NELL1: variants seen among roughly 807,000 people sequenced by gnomAD.
NELL1 encodes the protein protein kinase C-binding protein NELL1.
NELL1 carries 76 observed loss-of-function variants against 107.4 expected under a neutral mutation model. That is an observed-to-expected ratio of 0.71 (90% CI 0.59 to 0.86). NELL1 has a LOEUF of 0.86. NELL1 is among the 40% of genes least tolerant of loss of function. The probability of loss-of-function intolerance (pLI) is 0.00; values close to 1 mark genes in which losing one functional copy is unlikely to be tolerated. For synonymous variants in NELL1, 353 were observed against 341.2 expected, an observed-to-expected ratio of 1.03 and a Z score of -0.38; for missense variants, 1,024 against 1,005.5, an observed-to-expected ratio of 1.02 and a Z score of -0.25.
intron 14 of NELL1, among the ~76,000 whole-genome samples, chr11:21,278,141 C>G (rs553332933): frequency 6.6e-6 from 1 of 152,220 alleles, no homozygotes; most frequent in South Asian, 2.1e-4. Context: ...AGCGAACTTC[C>G]TCAACTTGAT....
intron 2 of NELL1, among the ~76,000 whole-genome samples, chr11:20,745,133 A>G (rs894454640): frequency 6.6e-6 from 1 of 152,172 alleles, no homozygotes; most frequent in African/African-American, 2.4e-5. Flanking sequence ...GCTAGAATGT[A>G]CAATTTTGAA....
At chr11:21,247,091 G>A (rs1196248757) in intron 14 of NELL1, among the ~76,000 whole-genome samples, 1 of 152,118 alleles carries the variant, frequency 6.6e-6, no homozygotes, top group Non-Finnish European at 1.5e-5. Flanking sequence ...CACCTATATA[G>A]GGCACTTACC....
intron 12 of NELL1, among the ~76,000 whole-genome samples, chr11:21,047,208 T>C (rs1336851820): frequency 1.3e-5 from 2 of 152,132 alleles, no homozygotes; most frequent in African/African-American, 4.8e-5. Flanking sequence ...ACAAAACACC[T>C]ACTTTCTGCA....
chr11:21,300,058 A>AAATTCT (rs1849461302), intron 14 of NELL1, among the ~76,000 whole-genome samples: 1 of 151,994 alleles, frequency 6.6e-6, no homozygotes, highest in Admixed American at 6.6e-5. Context: ...ATATTATTTC[A>AAATTCT]AATTCTAAGT....
At chr11:21,444,435 T>C (rs1853367137) in intron 15 of NELL1, among the ~76,000 whole-genome samples, 1 of 152,186 alleles carries the variant, frequency 6.6e-6, no homozygotes, top group African/African-American at 2.4e-5. Flanking sequence ...TCAGGATTTA[T>C]ACTTACTGAT....
At chr11:21,220,380 T>C (rs939494110) in intron 13 of NELL1, among the ~76,000 whole-genome samples, 2 of 152,210 alleles carry the variant, frequency 1.3e-5, no homozygotes, top group Non-Finnish European at 2.9e-5. Context: ...AGGCTTTTTT[T>C]CTATTTCTGT....
chr11:21,072,357 A>G (rs1031479333), intron 12 of NELL1, among the ~76,000 whole-genome samples: 2 of 152,158 alleles, frequency 1.3e-5, no homozygotes, highest in Non-Finnish European at 2.9e-5. Flanking sequence ...GCTACACACC[A>G]CACAGTTCTT....
At chr11:21,409,035 G>A (rs1466378963) in intron 15 of NELL1, among the ~76,000 whole-genome samples, 1 of 151,988 alleles carries the variant, frequency 6.6e-6, no homozygotes. Flanking sequence ...ATTCCTCAGG[G>A]ATCTAGAACT....
chr11:20,998,941 C>T (rs374210575), intron 12 of NELL1, among the ~76,000 whole-genome samples: 17 of 152,100 alleles, frequency 1.1e-4, no homozygotes, highest in African/African-American at 3.9e-4. Flanking sequence ...AGGAATCAGA[C>T]GAAGGGTGAC....
intron 3 of NELL1, among the ~76,000 whole-genome samples, chr11:20,832,720 C>T (rs1267265556): frequency 6.6e-6 from 1 of 152,136 alleles, no homozygotes; most frequent in Non-Finnish European, 1.5e-5. Flanking sequence ...ATAATGATGA[C>T]AATAATAATA....
At chr11:21,369,902 A>G (rs1407121454) in intron 14 of NELL1, among the ~76,000 whole-genome samples, 1 of 152,114 alleles carries the variant, frequency 6.6e-6, no homozygotes, top group Non-Finnish European at 1.5e-5. Flanking sequence ...TGTAAAATGT[A>G]GATTAATTCA....
intron 4 of NELL1, among the ~76,000 whole-genome samples, chr11:20,858,970 A>G (rs1053062068): frequency 6.6e-6 from 1 of 152,216 alleles, no homozygotes; most frequent in Admixed American, 6.5e-5. Flanking sequence ...TGGCGGCTGC[A>G]TTATTACCCA....
At chr11:21,228,473 CA>C (rs1488960236) in intron 13 of NELL1, among the ~76,000 whole-genome samples, 1 of 152,112 alleles carries the variant, frequency 6.6e-6, no homozygotes, top group African/African-American at 2.4e-5. Context: ...GGCCCTTAAA[CA>C]GAGGCCTCAG....
intron 12 of NELL1, among the ~76,000 whole-genome samples, chr11:21,034,225 C>T (rs958128912): frequency 6.6e-6 from 1 of 152,100 alleles, no homozygotes; most frequent in Non-Finnish European, 1.5e-5. Flanking sequence ...TTCTTCTGCC[C>T]ATGGCTTCCC....
At chr11:20,931,635 A>C (rs1333641682) in intron 9 of NELL1, among the ~76,000 whole-genome samples, 1 of 152,206 alleles carries the variant, frequency 6.6e-6, no homozygotes, top group Non-Finnish European at 1.5e-5. Context: ...CTTATAGTCA[A>C]ATCTTGTTTT....
intron 14 of NELL1, among the ~76,000 whole-genome samples, chr11:21,248,498 A>G (rs1005397969): frequency 1.3e-5 from 2 of 152,148 alleles, no homozygotes; most frequent in African/African-American, 2.4e-5. Flanking sequence ...GTTTGTGGCC[A>G]CTGTTTAGAT....
intron 2 of NELL1, among the ~76,000 whole-genome samples, chr11:20,778,745 G>A (rs1006544685): frequency 9.2e-5 from 14 of 152,018 alleles, no homozygotes; most frequent in African/African-American, 3.4e-4. Flanking sequence ...CTACCTTTAT[G>A]CAATGGTAGC....
chr11:21,417,240 TTTATAA>T (rs1472490440), intron 15 of NELL1, among the ~76,000 whole-genome samples: 4 of 152,114 alleles, frequency 2.6e-5, no homozygotes, highest in African/African-American at 9.7e-5. Context: ...TCTTCTTTAC[TTTATAA>T]TAATAATTAT....
intron 16 of NELL1, among the ~76,000 whole-genome samples, chr11:21,552,462 G>A (rs557950840): frequency 1.3e-5 from 2 of 151,376 alleles, no homozygotes; most frequent in South Asian, 4.2e-4. Context: ...ACTTAGTTTG[G>A]CTTATATGAT....
Sources: gnomAD v4.1 joint callset for allele counts (sites outside exome capture counted in the v4.1 genomes callset) on GRCh38, gnomAD v4.1.1 for gene constraint, MANE v1.5 for transcripts, NCBI Gene and HGNC (gene_info 2026-07-23, HGNC 2026-07-21) for gene names.